The following CHN2 variants were observed in gnomAD, a reference collection of about 807,000 sequenced individuals.
CHN2 encodes the protein chimerin 2.
Under a neutral mutation model 56.3 loss-of-function variants are expected in CHN2, and 35 were observed. The observed-to-expected ratio is 0.62, with a 90% CI of 0.47 to 0.82. The LOEUF (loss-of-function observed/expected upper bound fraction) is 0.82. Among genes scored for constraint, CHN2 ranks in the 40% least tolerant of loss-of-function variants. CHN2 has a pLI of 0.00. For missense variants in CHN2, 491 were observed against 580.5 expected (o/e 0.85, Z 1.58); for synonymous variants, 210 against 212.8 (o/e 0.99, Z 0.12).
chr7:29,383,520 CTT>C (rs997900707), intron 3 of CHN2, among the ~76,000 whole-genome samples: 1 of 152,204 alleles, frequency 6.6e-6, no homozygotes, highest in Non-Finnish European at 1.5e-5. Flanking sequence ...AGGCTAATCT[CTT>C]GGAGAAACAC....
At chr7:29,324,182 C>T (rs188778747) in intron 1 of CHN2, among the ~76,000 whole-genome samples, 55 of 152,202 alleles carry the variant, frequency 3.6e-4, no homozygotes, top group Non-Finnish European at 6.9e-4. Context: ...TCTCAAAAGG[C>T]CCATCTTAGG....
At chr7:29,339,714 A>G (rs970998514) in intron 1 of CHN2, among the ~76,000 whole-genome samples, 1 of 152,054 alleles carries the variant, frequency 6.6e-6, no homozygotes, top group African/African-American at 2.4e-5. Context: ...TCAGCCAGGC[A>G]TGATGGCACG....
intron 10 of CHN2, among the ~76,000 whole-genome samples, chr7:29,505,176 G>T (rs987025088): frequency 1.3e-5 from 2 of 152,162 alleles, no homozygotes; most frequent in African/African-American, 4.8e-5. Flanking sequence ...CAGTGGACAT[G>T]TAGGAGGGAA....
At chr7:29,258,806 A>C (rs756971077) in intron 1 of CHN2, among the ~76,000 whole-genome samples, 19 of 152,204 alleles carry the variant, frequency 1.2e-4, no homozygotes, top group Non-Finnish European at 2.1e-4. Flanking sequence ...AGAACTGTAC[A>C]ACCTCTGCAA....
At chr7:29,227,538 T>C (rs945369529) in intron 1 of CHN2, among the ~76,000 whole-genome samples, 1 of 152,176 alleles carries the variant, frequency 6.6e-6, no homozygotes, top group African/African-American at 2.4e-5. Context: ...ACCTCAGGGA[T>C]TGGGCCAGAA....
At chr7:29,402,068 C>T (rs1348158644) in intron 6 of CHN2, among the ~76,000 whole-genome samples, 2 of 152,174 alleles carry the variant, frequency 1.3e-5, no homozygotes, top group Admixed American at 6.5e-5. Flanking sequence ...CTAGTTAAAC[C>T]GGAACGGGCC....
chr7:29,179,607 T>G (rs1797809517), intron 2 of CHN2, among the ~76,000 whole-genome samples: 1 of 152,220 alleles, frequency 6.6e-6, no homozygotes, highest in South Asian at 2.1e-4. Flanking sequence ...TTGCTATATA[T>G]CCTTTGCCAA....
At chr7:29,291,902 G>A (rs1792660106) in intron 1 of CHN2, among the ~76,000 whole-genome samples, 1 of 152,008 alleles carries the variant, frequency 6.6e-6, no homozygotes, top group African/African-American at 2.4e-5. Flanking sequence ...GAAAGAGCAG[G>A]AAGGACTTTT....
At chr7:29,372,405 G>A (rs971425410) in intron 3 of CHN2, among the ~76,000 whole-genome samples, 1 of 151,992 alleles carries the variant, frequency 6.6e-6, no homozygotes, top group African/African-American at 2.4e-5. Flanking sequence ...CTGTCATATT[G>A]CCTTGTTTAT....
In CHN2 at chr7:29,276,703, C is replaced by A. The variant is rs150384795; in HGVS notation, c.50-77922C>A. Among the ~76,000 whole-genome samples the A allele has an allele frequency of 9.2e-5, 14 of 152,356 alleles. No individual in the cohort carries two copies. The East Asian group carries it at 2.5e-3, about 27-fold the overall frequency. On this transcript the variant is annotated intron_variant, in intron 1 of 12. Transcript: ENST00000222792. ...TTAGCATTATAATTAGATCCTCCCACTAGCTGCTTCCTGGATTTTCCAGTT... is the reference window on the plus strand; with the variant it reads ...TTAGCATTATAATTAGATCCTCCCAATAGCTGCTTCCTGGATTTTCCAGTT...
chr7:29,320,097 G>A (rs1795228403), intron 1 of CHN2, among the ~76,000 whole-genome samples: 1 of 152,188 alleles, frequency 6.6e-6, no homozygotes, highest in South Asian at 2.1e-4. Flanking sequence ...GTGTCCAATA[G>A]ATTTCTCTAT....
At chr7:29,158,353 C>A (rs1033163409) in intron 2 of CHN2, among the ~76,000 whole-genome samples, 2 of 152,162 alleles carry the variant, frequency 1.3e-5, no homozygotes, top group African/African-American at 4.8e-5. Flanking sequence ...TGCTGTAGAG[C>A]AGATTAAATC....
At position 29,215,563 on chromosome 7, in the gene CHN2, G is replaced by A. The variant is rs148517665; in HGVS notation, c.49+20573G>A. ...TCCTAAGGTGTTTTCTTCTATCTGA[G>A]TTACAATTTTATGTTCTGTGCCAGG... On this transcript the variant is annotated intron_variant, in intron 1 of 12. Transcript: ENST00000222792. 1.1e-3 allele frequency among the ~76,000 whole-genome samples: 174 copies of A among 152,146 alleles called. 3 individuals are homozygous for A. Among genetic ancestry groups the A allele is most frequent in the African/African-American group, 3.9e-3 (163 of 41,486 alleles).
intron 1 of CHN2, among the ~76,000 whole-genome samples, chr7:29,289,538 G>A (rs1053510769): frequency 5.9e-5 from 9 of 152,298 alleles, no homozygotes; most frequent in African/African-American, 1.9e-4. Context: ...TGGAAAACAG[G>A]CGAACATTGG....
intron 2 of CHN2, among the ~76,000 whole-genome samples, chr7:29,189,692 C>G (rs1054177906): frequency 6.6e-6 from 1 of 152,096 alleles, no homozygotes; most frequent in Non-Finnish European, 1.5e-5. Flanking sequence ...CCCCCCACCC[C>G]CTACACTCCC....
intron 1 of CHN2, among the ~76,000 whole-genome samples, chr7:29,241,348 G>C (rs867908007): frequency 2.4e-4 from 36 of 152,254 alleles, no homozygotes; most frequent in Middle Eastern, 6.8e-3. Context: ...GTCCCTGCTA[G>C]AGTGCTTCCC....
intron 1 of CHN2, among the ~76,000 whole-genome samples, chr7:29,352,949 G>C (rs1036110673): frequency 5.9e-5 from 9 of 152,186 alleles, no homozygotes; most frequent in African/African-American, 2.2e-4. Flanking sequence ...TTGGGTTAAA[G>C]CCTTGCTATT....
chr7:29,149,528 T>C (rs1190409582), intron 2 of CHN2, among the ~76,000 whole-genome samples: 3 of 152,006 alleles, frequency 2.0e-5, no homozygotes, highest in Non-Finnish European at 4.4e-5. Flanking sequence ...GAGAATAAAA[T>C]AGAACAAAAT....
At chr7:29,418,799 G>C (rs901968428) in intron 6 of CHN2, among the ~76,000 whole-genome samples, 4 of 152,120 alleles carry the variant, frequency 2.6e-5, no homozygotes, top group Non-Finnish European at 5.9e-5. Flanking sequence ...TTTCCTTGGC[G>C]TGCCTAATTT....
Sources: gnomAD v4.1 joint callset for allele counts (sites outside exome capture counted in the v4.1 genomes callset) on GRCh38, gnomAD v4.1.1 for gene constraint, MANE v1.5 for transcripts, NCBI Gene and HGNC (gene_info 2026-07-23, HGNC 2026-07-21) for gene names.